The following CTCF variants were observed in gnomAD, a reference collection of about 807,000 sequenced individuals.
The protein encoded by CTCF is CCCTC-binding factor, also known as transcriptional repressor CTCF.
CTCF carries 7 observed loss-of-function variants against 72.3 expected under a neutral mutation model. The ratio of observed to expected loss-of-function variants is 0.10; its 90% CI spans 0.06 to 0.18. The LOEUF (loss-of-function observed/expected upper bound fraction) is 0.18, where lower values mean the gene tolerates loss of function less well. Ranked by LOEUF, CTCF falls within the 10% of genes least tolerant of loss-of-function variation. The pLI is 1.00. For synonymous variants in CTCF, 374 were observed against 315.8 expected (o/e 1.18, Z -1.95); for missense variants, 516 against 949.1 (o/e 0.54, Z 6.00).
intron 10 of CTCF, among the ~76,000 whole-genome samples, chr16:67,636,114 G>T (rs898393262): frequency 2.0e-4 from 30 of 151,892 alleles, no homozygotes; most frequent in African/African-American, 7.3e-4. Flanking sequence ...GTTGGCTCAT[G>T]CCTGTAATCC....
intron 2 of CTCF, among the ~76,000 whole-genome samples, chr16:67,580,615 G>A (rs1451981718): frequency 1.3e-5 from 2 of 151,842 alleles, no homozygotes; most frequent in Non-Finnish European, 2.9e-5. Flanking sequence ...AGGCTGGAGT[G>A]CAGTGGCTCA....
Position 67,610,991 on chromosome 16 carries a change from T to A in CTCF, c.159T>A (p.Asp53Glu), listed in dbSNP as rs770043507. ...NQTDGGEVVQ[D>E]VNSSVQMVMM... Reference sequence around the variant, plus strand: ...CGGATGGGGGTGAGGTGGTCCAGGATGTCAACAGCAGTGTACAGATGGTGA... The same window carrying A: ...CGGATGGGGGTGAGGTGGTCCAGGAAGTCAACAGCAGTGTACAGATGGTGA... Residue 53 changes from aspartate (D) to glutamate (E), a missense_variant, in exon 3 of 12, where the codon GAT (aspartate) becomes GAA (glutamate). This residue lies in a region of CTCF where 148 missense variants were observed against 194.9 expected (regional missense o/e 0.76). Coordinates refer to ENST00000264010, the MANE Select transcript of CTCF (RefSeq NM_006565.4). 12 of 1,603,626 alleles carry A rather than the reference T, an allele frequency of 7.5e-6. No homozygotes were observed. The highest frequency in any genetic ancestry group is 1.7e-6 in the Non-Finnish European group (2 of 1,171,362).
intron 2 of CTCF, among the ~76,000 whole-genome samples, chr16:67,574,422 A>C (rs2051467109): frequency 6.6e-6 from 1 of 151,876 alleles, no homozygotes; most frequent in African/African-American, 2.4e-5. Context: ...GCTCACTGCA[A>C]CTTCCCCCTC....
rs553182212 is a variant in CTCF, at chr16:67,629,182, G to A, written c.1702-216G>A. ...TAGATCTTGACAGAACTAAGAGCTG[G>A]TCTGATCCTCCCCCGTCTCTGTCTG... On this transcript the variant is annotated intron_variant, in intron 9 of 11. Coordinates refer to ENST00000264010, the MANE Select transcript of CTCF (RefSeq NM_006565.4). Among the ~76,000 whole-genome samples the A allele has an allele frequency of 3.6e-4, 54 of 151,918 alleles. No homozygotes were observed. In the South Asian group the frequency reaches 6.0e-3, roughly 17 times the overall value.
intron 2 of CTCF, among the ~76,000 whole-genome samples, chr16:67,585,758 A>G (rs890927041): frequency 1.3e-5 from 2 of 152,188 alleles, no homozygotes; most frequent in Non-Finnish European, 2.9e-5. Flanking sequence ...ATAACAGAAG[A>G]TATCCTAATT....
intron 7 of CTCF, among the ~76,000 whole-genome samples, chr16:67,622,831 T>TA (rs1393979555): frequency 4.0e-5 from 6 of 149,354 alleles, no homozygotes; most frequent in African/African-American, 1.2e-4. Context: ...TTTTTTTTTT[T>TA]TGTATTTTTT....
intron 4 of CTCF, chr16:67,616,027 A>G (rs1259330330): frequency 6.6e-6 from 1 of 152,226 alleles, no homozygotes; most frequent in Middle Eastern, 3.2e-3. Context: ...TTGTGCTCTC[A>G]GTTTTGTCTC....
At chr16:67,571,779 T>C (rs1426203310) in intron 2 of CTCF, among the ~76,000 whole-genome samples, 1 of 152,204 alleles carries the variant, frequency 6.6e-6, no homozygotes, top group Non-Finnish European at 1.5e-5. Flanking sequence ...TGAGTTAGCC[T>C]AGCTCATTGC....
chr16:67,632,125 T>TTCAGAAA (rs200827597), intron 10 of CTCF, among the ~76,000 whole-genome samples: 4,520 of 151,546 alleles, frequency 0.03, 82 homozygotes, highest in Middle Eastern at 0.12. Context: ...GTTGGGGGTT[T>TTCAGAAA]TCAGAAATGT....
intron 2 of CTCF, among the ~76,000 whole-genome samples, 199 bp downstream of exon 2, chr16:67,571,463 A>T (rs2051418970): frequency 6.6e-6 from 1 of 152,186 alleles, no homozygotes; most frequent in Non-Finnish European, 1.5e-5. Context: ...GGGGCAAGTT[A>T]CTTTAACCTG....
In CTCF at chr16:67,637,951, C is replaced by G; in HGVS notation, c.*79C>G. 7.9e-7 allele frequency: 1 copy of G among 1,272,212 alleles called. No homozygotes were observed. Among genetic ancestry groups the G allele is most frequent in the Non-Finnish European group, 1.1e-6 (1 of 950,460 alleles). 78.8% of individuals were successfully genotyped at this position (1,272,212 alleles called of 1,614,324 possible). A position where few individuals can be genotyped will look rare whatever the true frequency, so the allele number is the denominator to read the frequency against. ...GCATCTTAATTTTTCTCCCTTCTTTCTTTTTTTGGCTTTGGGAAAAGCATC... is the reference window on the plus strand; with the variant it reads ...GCATCTTAATTTTTCTCCCTTCTTTGTTTTTTTGGCTTTGGGAAAAGCATC... On this transcript the variant is annotated 3_prime_UTR_variant, in exon 12 of 12. Transcript: ENST00000264010.
intron 2 of CTCF, among the ~76,000 whole-genome samples, chr16:67,572,934 T>C (rs561809704): frequency 4.5e-4 from 60 of 132,994 alleles, no homozygotes; most frequent in African/African-American, 1.7e-3. Flanking sequence ...AGTGACTCTG[T>C]CTGCCCCCCC....
chr16:67,621,235 C>T (rs998748141), intron 6 of CTCF: 13 of 489,816 alleles, frequency 2.7e-5, no homozygotes, highest in Non-Finnish European at 4.1e-5. Flanking sequence ...CAGAGTAGAG[C>T]TGGGCAGAGC....
intron 2 of CTCF, among the ~76,000 whole-genome samples, chr16:67,600,321 C>T (rs2051870165): frequency 6.6e-6 from 1 of 152,036 alleles, no homozygotes; most frequent in Admixed American, 6.6e-5. Context: ...TCACTGTAAC[C>T]TCTGTGTCCT....
chr16:67,602,807 C>T (rs1340617958), intron 2 of CTCF, among the ~76,000 whole-genome samples: 3 of 147,290 alleles, frequency 2.0e-5, no homozygotes, highest in Non-Finnish European at 4.4e-5. Flanking sequence ...CGCCATTGCA[C>T]TCCAGCCTAG....
intron 2 of CTCF, among the ~76,000 whole-genome samples, chr16:67,595,523 A>G (rs918115372): frequency 6.6e-6 from 1 of 152,124 alleles, no homozygotes; most frequent in Non-Finnish European, 1.5e-5. Context: ...AAAAAAGCAT[A>G]TATTGTTGAG....
chr16:67,593,076 A>G (rs986556337), intron 2 of CTCF, among the ~76,000 whole-genome samples: 1 of 148,612 alleles, frequency 6.7e-6, no homozygotes, highest in African/African-American at 2.4e-5. Flanking sequence ...TATATTTTAT[A>G]TTTATATATT....
chr16:67,580,552 G>GTATT (rs1018174110), intron 2 of CTCF, among the ~76,000 whole-genome samples: 20 of 150,780 alleles, frequency 1.3e-4, no homozygotes, highest in East Asian at 5.8e-4. Context: ...ATTTATTTAT[G>GTATT]TATTTATTTA....
intron 7 of CTCF, among the ~76,000 whole-genome samples, chr16:67,624,064 ATT>A (rs2052241192): frequency 8.6e-6 from 1 of 115,780 alleles, no homozygotes. Flanking sequence ...AAAAAAAAAA[ATT>A]ATATATGTGT....
Sources: allele counts gnomAD v4.1 joint callset (sites outside exome capture counted in the v4.1 genomes callset), GRCh38; gene constraint gnomAD v4.1.1; regional missense constraint gnomAD v4.1.1; transcripts MANE v1.5; gene names NCBI Gene and HGNC (gene_info 2026-07-23, HGNC 2026-07-21).